MICALL2: variants seen among roughly 807,000 people sequenced by gnomAD.
The protein encoded by MICALL2 is MICAL-like protein 2.
In MICALL2, 111 loss-of-function variants were observed where a neutral mutation model predicts 91.1. The ratio of observed to expected loss-of-function variants is 1.22; its 90% CI spans 1.04 to 1.43. The LOEUF (loss-of-function observed/expected upper bound fraction) is 1.43. Ranked by LOEUF, MICALL2 falls within the 40% of genes most tolerant of loss-of-function variation. MICALL2 has a pLI of 0.00. For synonymous variants in MICALL2, 694 were observed against 525.3 expected, an observed-to-expected ratio of 1.32 and a Z score of -4.39; for missense variants, 1,556 against 1,236.0, an observed-to-expected ratio of 1.26 and a Z score of -3.88.
intron 1 of MICALL2, among the ~76,000 whole-genome samples, chr7:1,457,802 C>A (rs548418800): frequency 2.4e-4 from 36 of 152,356 alleles, no homozygotes; most frequent in African/African-American, 8.4e-4. Flanking sequence ...TTCGGGCTGG[C>A]CCCAGCTTGG....
In MICALL2 at chr7:1,445,013, G is replaced by A. The variant is rs1489906373; in HGVS notation, c.1057C>T (p.Pro353Ser). Residue 353 changes from proline to serine, a missense_variant, in exon 6 of 17, where the codon CCG becomes TCG. Pro to Ser is a moderately conservative substitution (Grantham distance 74). Transcript: ENST00000297508. ...TGGGAGGCAGCCGCTGCTGTGCACGGGGCAGCTGACGACCAGCCCATCGGG... is the reference window on the plus strand; with the variant it reads ...TGGGAGGCAGCCGCTGCTGTGCACGAGGCAGCTGACGACCAGCCCATCGGG... ...SSPMGWSSAAPCTAAAASHPA... is the reference protein window; with the variant it reads ...SSPMGWSSAASCTAAAASHPA... 2.0e-6 allele frequency: 3 copies of A among 1,522,180 alleles called. No homozygotes were observed. Among genetic ancestry groups the A allele is most frequent in the Admixed American group, 2.0e-5 (1 of 49,366 alleles). The allele number at this position is 1,522,180 out of a possible 1,614,324, so 94.3% of individuals were successfully genotyped here.
At chr7:1,455,227 A>G (rs945127638) in intron 1 of MICALL2, among the ~76,000 whole-genome samples, 7 of 152,156 alleles carry the variant, frequency 4.6e-5, no homozygotes, top group Non-Finnish European at 7.3e-5. Flanking sequence ...GAATGAAAGG[A>G]GCCAGCCCAT....
In MICALL2 at chr7:1,437,878, C is replaced by G. The variant is rs1780052506; in HGVS notation, c.2402+12G>C. ...CTGGCCTTCGAGGAGGGGCCCACGG[C>G]TGGGCTCTCACTTGTACATCAGCTC... On this transcript the variant is annotated intron_variant, in intron 13 of 16. Coordinates refer to ENST00000297508, the MANE Select transcript of MICALL2 (RefSeq NM_182924.4). 6.5e-7 allele frequency: 1 copy of G among 1,548,208 alleles called. No homozygotes were observed. Among genetic ancestry groups the G allele is most frequent in the Non-Finnish European group, 8.7e-7 (1 of 1,146,308 alleles).
In MICALL2 at chr7:1,452,348, T is replaced by C. The variant is rs1237768909; in HGVS notation, c.144-2060A>G. ...TGTGACCCGAGGGCACGTGGGTGGC[T>C]GTCTATGCCCAGGGACTCTGCAGCC... is the stretch of plus-strand genomic sequence containing the variant. On this transcript the variant is annotated intron_variant, in intron 1 of 16. Transcript: ENST00000297508. This position sits in a 1 kb window ranked among gnomAD's most constrained non-coding sequence, Gnocchi z 6.2. 6.6e-6 allele frequency among the ~76,000 whole-genome samples: 1 copy of C among 151,776 alleles called. No individual in the cohort carries two copies. The highest frequency in any genetic ancestry group is 1.5e-5 in the Non-Finnish European group (1 of 67,960).
In MICALL2 at chr7:1,444,918, C is replaced by T; in HGVS notation, c.1152G>A (p.Val384=). ...ATPQGGGAPR[V]AAPQTTLSSS... ...AACTGAGTGTGGTTTGAGGAGCTGC[C>T]ACTCGGGGGGCTCCCCCACCCTGGG... The change falls in exon 6 of 17, where the codon GTG becomes GTA. Residue 384 remains valine (V), a synonymous_variant. Coordinates refer to ENST00000297508, the MANE Select transcript of MICALL2 (RefSeq NM_182924.4). 1 of 1,541,322 alleles carries T rather than the reference C, an allele frequency of 6.5e-7. No individual in the cohort carries two copies. Among genetic ancestry groups the T allele is most frequent in the Non-Finnish European group, 8.7e-7 (1 of 1,147,408 alleles).
chr7:1,459,139 G>A (rs1441952957), intron 1 of MICALL2, 45 bp downstream of exon 1: 2 of 1,566,560 alleles, frequency 1.3e-6, no homozygotes, highest in East Asian at 2.4e-5. Flanking sequence ...GTGTCAGCGC[G>A]CAGCCGAACA....
chr7:1,446,607 A>C, intron 5 of MICALL2, 106 bp downstream of exon 5: 1 of 665,262 alleles, frequency 1.5e-6, no homozygotes, highest in Non-Finnish European at 2.6e-6. Context: ...AGGGGAGAGG[A>C]ACGAGGAGCG....
chr7:1,457,052 C>T (rs1298894804), intron 1 of MICALL2, among the ~76,000 whole-genome samples: 4 of 152,174 alleles, frequency 2.6e-5, no homozygotes, highest in Admixed American at 1.3e-4. Context: ...AGGAGGTTCT[C>T]GGGGAGGGTC....
Position 1,445,102 on chromosome 7 carries a change from G to C in MICALL2, c.968C>G (p.Ser323Cys), listed in dbSNP as rs1780509419. 1 of 1,553,920 alleles carries C rather than the reference G, an allele frequency of 6.4e-7. No homozygotes were observed. Among genetic ancestry groups the C allele is most frequent in the African/African-American group, 1.4e-5 (1 of 73,314 alleles). ...GGGAGTGGGGGCCAGGCGGCTCTCA[G>C]AGGGCCTGGCTGGGCTCCTCACGTG... ...SVHVRSPARP[S>C]ESRLAPTPTE... is the part of the protein sequence containing the mutation. The change falls in exon 6 of 17, where the codon TCT becomes TGT. Residue 323 changes from serine (S) to cysteine (C), a missense_variant. Transcript: ENST00000297508.
At position 1,450,943 on chromosome 7, in the gene MICALL2, T is replaced by C. The variant is rs566354255; in HGVS notation, c.144-655A>G. ...CGACCTGTGGAGCAGACACCGGTTA[T>C]GTCTGCATCTCACAGAGACAGCGGC... On this transcript the variant is annotated intron_variant, in intron 1 of 16. Coordinates refer to ENST00000297508, the MANE Select transcript of MICALL2 (RefSeq NM_182924.4). Among the ~76,000 whole-genome samples the C allele has an allele frequency of 1.3e-3, 194 of 152,316 alleles. 1 individual carries two copies. The highest frequency in any genetic ancestry group is 0.01 in the Admixed American group (160 of 15,310).
intron 15 of MICALL2, 93 bp from the exon 16 acceptor site, chr7:1,435,240 C>T (rs1304122894): frequency 3.0e-6 from 4 of 1,339,762 alleles, no homozygotes; most frequent in African/African-American, 1.4e-5. Context: ...GCACCCCAGC[C>T]CTGAGTCCCG....
rs61744261 is a variant in MICALL2, at chr7:1,442,373, G to C, written c.1530C>G (p.Leu510=). Residue 510 remains leucine, a synonymous_variant, in exon 7 of 17, where the codon CTC becomes CTG. Transcript: ENST00000297508. ...LQSSSPRVLG[L]PSRMEPPAPL... is the part of the protein sequence containing the mutation. ...GGGCTGGCGGTTCCATCCTCGAAGG[G>C]AGGCCAAGCACCCGGGGAGACGAGG... 226,088 of 1,611,056 alleles carry C rather than the reference G, an allele frequency of 0.14. 21,418 individuals are homozygous for C. Among genetic ancestry groups the C allele is most frequent in the East Asian group, 0.49 (22,082 of 44,788 alleles).
At chr7:1,438,061 A>G (rs1436371382) in intron 12 of MICALL2, 36 bp downstream of exon 12, 2 of 1,565,976 alleles carry the variant, frequency 1.3e-6, no homozygotes, top group Non-Finnish European at 1.7e-6. Flanking sequence ...TGTCTGTGGG[A>G]GTCGGGCTGG....
chr7:1,447,657 C>T lies in MICALL2; in HGVS notation c.443G>A (p.Arg148Gln), dbSNP rs745974899. The stretch of plus-strand genomic sequence containing the variant: ...CTGGGCTGGAGATAGTGGAGGCTTC[C>T]GGGCTGGGGCGGGCGAGGGCAGCTT... The part of the protein sequence containing the change: ...AAKLPSPAPA[R>Q]KPPLSPAQTN... The change falls in exon 4 of 17, where the codon CGG (arginine) becomes CAG (glutamine). Residue 148 changes from arginine (R) to glutamine (Q), a missense_variant. By Grantham distance (43) the Arg-to-Gln change is conservative. Coordinates refer to ENST00000297508, the MANE Select transcript of MICALL2 (RefSeq NM_182924.4). The T allele has an allele frequency of 1.0e-5, 16 of 1,587,594 alleles. No homozygotes were observed. The highest frequency in any genetic ancestry group is 9.1e-5 in the East Asian group (4 of 43,822).
At chr7:1,436,079 A>G (rs1355548131) in intron 15 of MICALL2, among the ~76,000 whole-genome samples, 1 of 150,042 alleles carries the variant, frequency 6.7e-6, no homozygotes, top group Non-Finnish European at 1.5e-5. Flanking sequence ...ACAACAAAAC[A>G]AAACAAACAA....
rs1779921406 is a variant in MICALL2 at position 1,435,435 on chromosome 7, C to T, written c.2592-288G>A. 2.0e-5 allele frequency among the ~76,000 whole-genome samples: 3 copies of T among 151,920 alleles called. No homozygotes were observed. In the South Asian group the frequency reaches 6.3e-4, roughly 32 times the overall value. On this transcript the variant is annotated intron_variant, in intron 15 of 16. Transcript: ENST00000297508. Reference sequence around the variant, plus strand: ...GGGCCTGGGCCGACCACACCAGTGACCTGGACAGGAGGACCTGGACAGGAG... The same window carrying T: ...GGGCCTGGGCCGACCACACCAGTGATCTGGACAGGAGGACCTGGACAGGAG...
At chr7:1,438,032 C>G in intron 12 of MICALL2, 52 bp from the exon 13 acceptor site, 1 of 1,557,866 alleles carries the variant, frequency 6.4e-7, no homozygotes, top group Non-Finnish European at 8.7e-7. Context: ...TTCATGGCCC[C>G]CAGCCCCAGG....
intron 14 of MICALL2, 62 bp from the exon 15 acceptor site, chr7:1,436,918 A>G: frequency 8.0e-7 from 1 of 1,252,414 alleles, no homozygotes; most frequent in East Asian, 2.8e-5. Context: ...CACAGGACAC[A>G]ATGTCCCCAC....
At chr7:1,445,592 T>C (rs1026534036) in intron 5 of MICALL2, among the ~76,000 whole-genome samples, 164 bp from the exon 6 acceptor site, 6 of 152,224 alleles carry the variant, frequency 3.9e-5, no homozygotes, top group Admixed American at 3.3e-4. Flanking sequence ...AGAGCAGGCA[T>C]TGCGGACTCC....
Sources: gnomAD v4.1 joint callset for allele counts (sites outside exome capture counted in the v4.1 genomes callset) on GRCh38, gnomAD v4.1.1 for gene constraint, Gnocchi (gnomAD v3.1) non-coding constraint, MANE v1.5 for transcripts, NCBI Gene and HGNC (gene_info 2026-07-23, HGNC 2026-07-21) for gene names.